Variants in CHID1 observed in about 807,000 individuals in gnomAD.
CHID1 encodes chitinase domain-containing protein 1.
In CHID1, 44 loss-of-function variants were observed where a neutral mutation model predicts 55.4. The ratio of observed to expected loss-of-function variants is 0.79; its 90% CI spans 0.62 to 1.02. The LOEUF (loss-of-function observed/expected upper bound fraction) is 1.02, where lower values mean the gene tolerates loss of function less well. CHID1 is among the 50% of genes least tolerant of loss of function. The probability of loss-of-function intolerance (pLI) is 0.00; values close to 1 mark genes in which losing one functional copy is unlikely to be tolerated. For missense variants in CHID1, 491 were observed against 515.3 expected, an observed-to-expected ratio of 0.95 and a Z score of 0.46; for synonymous variants, 216 against 212.9, an observed-to-expected ratio of 1.01 and a Z score of -0.13.
upstream of CHID1, among the ~76,000 whole-genome samples, chr11:911,955 G>T (rs1852720003): frequency 6.6e-6 from 1 of 152,222 alleles, no homozygotes; most frequent in African/African-American, 2.4e-5. Flanking sequence ...GGAGGCCATG[G>T]CAACATCCAA....
chr11:874,183 C>T (rs1290867397), intron 10 of CHID1, among the ~76,000 whole-genome samples: 4 of 152,148 alleles, frequency 2.6e-5, no homozygotes, highest in Admixed American at 2.0e-4. Flanking sequence ...CAGAGGGGGC[C>T]GGGCGTGGTG....
upstream of CHID1, chr11:910,915 A>T (rs1852633179): frequency 1.5e-5 from 13 of 872,346 alleles, no homozygotes; most frequent in African/African-American, 1.9e-5. Context: ...AGGACAGGGG[A>T]CTGGGCAGGG....
intron 6 of CHID1, among the ~76,000 whole-genome samples, 166 bp from the exon 7 acceptor site, chr11:899,567 G>A (rs541770207): frequency 1.3e-5 from 2 of 152,382 alleles, no homozygotes; most frequent in Admixed American, 1.3e-4. Flanking sequence ...TCTGAAGGAG[G>A]AAGTGTGGGG....
Position 904,773 on chromosome 11 carries a change from C to G in CHID1, c.44G>C (p.Ser15Thr). The G allele has an allele frequency of 6.2e-7, 1 of 1,614,094 alleles. No individual in the cohort carries two copies. The highest frequency in any genetic ancestry group is 2.2e-5 in the East Asian group (1 of 44,888). ...CTTTGACAGGGTAGTGTGAACAGGG[C>G]TGCAGGCCAGGGCAAGCCAGAGGAG... Reference protein sequence around the residue: ...FNLLWLALACSPVHTTLSKSD... With the variant: ...FNLLWLALACTPVHTTLSKSD... Residue 15 changes from serine (S) to threonine (T), a missense_variant, in exon 2 of 13, where the codon AGC (serine) becomes ACC (threonine). By Grantham distance (58) the Ser-to-Thr change is moderately conservative. Coordinates refer to ENST00000323578, the MANE Select transcript of CHID1 (RefSeq NM_023947.4).
At chr11:872,618 C>T (rs1380155083) in intron 10 of CHID1, among the ~76,000 whole-genome samples, 3 of 152,208 alleles carry the variant, frequency 2.0e-5, no homozygotes, top group African/African-American at 4.8e-5. Flanking sequence ...GACCAGGCAA[C>T]GTCATGGAGG....
At chr11:914,414 TG>T (rs974579045), upstream of CHID1, 128 of 732,346 alleles carry the variant, frequency 1.7e-4, no homozygotes, top group Non-Finnish European at 1.5e-4. Flanking sequence ...GCCGTGGGCA[TG>T]GGGGGGACAG....
At chr11:891,296 A>T (rs1157874772) in intron 8 of CHID1, among the ~76,000 whole-genome samples, 1 of 151,912 alleles carries the variant, frequency 6.6e-6, no homozygotes, top group Non-Finnish European at 1.5e-5. Flanking sequence ...GGGGACCCCC[A>T]CCGTGGGCCT....
At chr11:914,541 C>T (rs760851640), upstream of CHID1, 4 of 1,289,310 alleles carry the variant, frequency 3.1e-6, no homozygotes, top group South Asian at 4.9e-5. Context: ...TTCCTGGGTC[C>T]CCAGCCTGAG....
chr11:870,639 C>A (rs1008159337), intron 10 of CHID1, 140 bp from the exon 11 acceptor site: 7 of 638,108 alleles, frequency 1.1e-5, no homozygotes, highest in African/African-American at 1.8e-5. Context: ...GGGACAACAC[C>A]TGGTGGGGTG....
At chr11:902,043 TCACA>T (rs1273852952) in intron 4 of CHID1, 151 bp downstream of exon 4, 3 of 739,512 alleles carry the variant, frequency 4.1e-6, no homozygotes, top group Non-Finnish European at 6.6e-6. Context: ...ACTTACACAC[TCACA>T]TTCACACTTA....
At position 904,838 on chromosome 11, in the gene CHID1, T is replaced by C. The variant is rs778867031; in HGVS notation, c.-22A>G. ...GCATGGTAGGTGTGTCACAGTAGGG[T>C]CCAACCTCGGGGTCCAGAGGGCTGC... On this transcript the variant is annotated 5_prime_UTR_variant, in exon 2 of 13. Coordinates refer to ENST00000323578, the MANE Select transcript of CHID1 (RefSeq NM_023947.4). The C allele has an allele frequency of 5.6e-6, 9 of 1,613,186 alleles. No individual in the cohort carries two copies. Among genetic ancestry groups the C allele is most frequent in the African/African-American group, 1.3e-5 (1 of 74,858 alleles).
chr11:873,486 G>A (rs1047733832), intron 10 of CHID1, among the ~76,000 whole-genome samples: 1 of 152,128 alleles, frequency 6.6e-6, no homozygotes, highest in South Asian at 2.1e-4. Context: ...GCGAGCGAGG[G>A]GCCTGCCTGG....
At chr11:906,227 G>A (rs1589906330) in intron 1 of CHID1, among the ~76,000 whole-genome samples, 2 of 150,062 alleles carry the variant, frequency 1.3e-5, no homozygotes, top group South Asian at 2.1e-4. Flanking sequence ...GAGCCACTGC[G>A]CCCGGCTGTG....
At chr11:895,085 G>A (rs1851162600) in intron 7 of CHID1, among the ~76,000 whole-genome samples, 1 of 152,172 alleles carries the variant, frequency 6.6e-6, no homozygotes, top group Non-Finnish European at 1.5e-5. Context: ...CTTAGAGGTG[G>A]TGGTCAAGGA....
rs1230590425 is a variant in CHID1 at position 875,774 on chromosome 11, G to A, written c.960-5275C>T. On this transcript the variant is annotated intron_variant, in intron 10 of 12. Transcript: ENST00000323578. This position sits in a 1 kb window ranked among gnomAD's most constrained non-coding sequence, Gnocchi z 4.7. ...CCACCGAGTCGTGGCAGCAAAAGAC[G>A]CCACGGCAGTGATGAGGACCACGTG... Among the ~76,000 whole-genome samples the A allele has an allele frequency of 2.0e-5, 3 of 152,146 alleles. No individual in the cohort carries two copies. Among genetic ancestry groups the A allele is most frequent in the Non-Finnish European group, 2.9e-5 (2 of 68,026 alleles).
chr11:873,248 A>G (rs1849291797), intron 10 of CHID1, among the ~76,000 whole-genome samples: 1 of 152,214 alleles, frequency 6.6e-6, no homozygotes. Flanking sequence ...CCAGGCCCAC[A>G]GCAGAGGGAG....
chr11:875,853 AC>A lies in CHID1; in HGVS notation c.960-5355del, dbSNP rs1221407774. 6.6e-6 allele frequency among the ~76,000 whole-genome samples: 1 copy of A among 152,140 alleles called. No individual in the cohort carries two copies. The highest frequency in any genetic ancestry group is 1.5e-5 in the Non-Finnish European group (1 of 68,028). Reference sequence around the variant, plus strand: ...CCTCCCAGACGTCCCCTGGCGGGTGACAGACAGGATGAAGGAACGATGGGCT... The same window carrying A: ...CCTCCCAGACGTCCCCTGGCGGGTGAAGACAGGATGAAGGAACGATGGGCT... On this transcript the variant is annotated intron_variant, in intron 10 of 12. Transcript: ENST00000323578. The surrounding 1 kb of genome is among the most constrained non-coding windows in gnomAD (Gnocchi z 4.7).
rs867150585 is a variant in CHID1 at position 893,465 on chromosome 11, C to G, written c.663G>C (p.Leu221=). ...HLAEALHQAR[L]LALLVIPPAI... ...CAGGCGGGATGACCAGGAGGGCCAGCAGCCGGGCCTGGTGCAGAGCCTCGG... is the reference window on the plus strand; with the variant it reads ...CAGGCGGGATGACCAGGAGGGCCAGGAGCCGGGCCTGGTGCAGAGCCTCGG... The change falls in exon 8 of 13, where the codon CTG becomes CTC. Residue 221 remains leucine (L), a synonymous_variant. Coordinates refer to ENST00000323578, the MANE Select transcript of CHID1 (RefSeq NM_023947.4). The G allele has an allele frequency of 1.3e-5, 20 of 1,551,848 alleles. No individual in the cohort carries two copies. The highest frequency in any genetic ancestry group is 1.5e-5 in the Non-Finnish European group (17 of 1,147,400).
chr11:887,657 G>C (rs1225889172), intron 8 of CHID1, among the ~76,000 whole-genome samples: 1 of 152,156 alleles, frequency 6.6e-6, no homozygotes, highest in African/African-American at 2.4e-5. Flanking sequence ...CTCTGCAGGG[G>C]CCTGTCCCAC....
Sources: gnomAD v4.1 joint callset for allele counts (sites outside exome capture counted in the v4.1 genomes callset) on GRCh38, gnomAD v4.1.1 for gene constraint, Gnocchi (gnomAD v3.1) non-coding constraint, MANE v1.5 for transcripts, NCBI Gene and HGNC (gene_info 2026-07-23, HGNC 2026-07-21) for gene names.